GABBR2: variants seen among roughly 807,000 people sequenced by gnomAD.
The protein encoded by GABBR2 is G-protein coupled receptor 51.
In GABBR2, 23 loss-of-function variants were observed where a neutral mutation model predicts 105.6. That is an observed-to-expected ratio of 0.22 (90% CI 0.16 to 0.31). The LOEUF (loss-of-function observed/expected upper bound fraction) is 0.31. Ranked by LOEUF, GABBR2 falls within the 10% of genes least tolerant of loss-of-function variation. GABBR2 has a pLI of 1.00. For missense variants in GABBR2, 734 were observed against 1,245.5 expected (o/e 0.59, Z 6.18); for synonymous variants, 478 against 499.7 (o/e 0.96, Z 0.58).
intron 3 of GABBR2, among the ~76,000 whole-genome samples, chr9:98,502,923 T>C (rs1486282935): frequency 6.6e-6 from 1 of 152,222 alleles, no homozygotes; most frequent in Admixed American, 6.5e-5. Flanking sequence ...CACTCACTTA[T>C]TCACCCACTC....
chr9:98,491,766 C>T (rs937102256), intron 4 of GABBR2, among the ~76,000 whole-genome samples: 1 of 152,038 alleles, frequency 6.6e-6, no homozygotes, highest in Non-Finnish European at 1.5e-5. Flanking sequence ...TGCCTATTGC[C>T]GTATCTATTT....
intron 11 of GABBR2, among the ~76,000 whole-genome samples, chr9:98,380,922 C>A (rs189800749): frequency 4.2e-4 from 64 of 152,298 alleles, no homozygotes; most frequent in Non-Finnish European, 6.8e-4. Flanking sequence ...ATTTTGAAAA[C>A]TAAAAGGGAG....
At chr9:98,494,891 A>G (rs150534483) in intron 4 of GABBR2, among the ~76,000 whole-genome samples, 34 of 152,388 alleles carry the variant, frequency 2.2e-4, no homozygotes, top group African/African-American at 7.7e-4. Context: ...ATTAAAGTCC[A>G]TAGATGCTGG....
chr9:98,463,603 GTCTCGCTCTCGCTCTCGCTCTCC>G (rs1564079045), intron 6 of GABBR2, among the ~76,000 whole-genome samples: 2 of 40,696 alleles, frequency 4.9e-5, no homozygotes, highest in African/African-American at 1.3e-4. Context: ...CTCGCTCTCC[GTCTCGCTCTCGCTCTCGCTCTCC>G]GTCTCGCTCT....
At chr9:98,380,595 A>G (rs1411193466) in intron 11 of GABBR2, among the ~76,000 whole-genome samples, 1 of 152,168 alleles carries the variant, frequency 6.6e-6, no homozygotes, top group Non-Finnish European at 1.5e-5. Context: ...CCACGTTGCT[A>G]TGGTGACTCC....
intron 1 of GABBR2, among the ~76,000 whole-genome samples, chr9:98,663,848 A>G (rs1228733419): frequency 6.6e-6 from 1 of 152,156 alleles, no homozygotes. Flanking sequence ...AAATTTATAC[A>G]AGTAATCATA....
At chr9:98,648,132 G>GTGTGTGTGTGTGT (rs1564140835) in intron 1 of GABBR2, among the ~76,000 whole-genome samples, 4 of 93,960 alleles carry the variant, frequency 4.3e-5, no homozygotes, top group Admixed American at 9.8e-5. Context: ...TAGATAGATA[G>GTGTGTGTGTGTGT]ATAGATAGAT....
intron 1 of GABBR2, among the ~76,000 whole-genome samples, chr9:98,690,348 G>T (rs1414972386): frequency 6.6e-6 from 1 of 151,936 alleles, no homozygotes; most frequent in African/African-American, 2.4e-5. Flanking sequence ...CTTTCCCCAG[G>T]GCTCCCCCAA....
At chr9:98,377,505 T>C (rs1004719908) in intron 11 of GABBR2, among the ~76,000 whole-genome samples, 2 of 152,250 alleles carry the variant, frequency 1.3e-5, no homozygotes, top group African/African-American at 2.4e-5. Context: ...TCTCTGCCAG[T>C]GTACACAACA....
intron 1 of GABBR2, among the ~76,000 whole-genome samples, chr9:98,614,549 G>T (rs1442120732): frequency 6.6e-6 from 1 of 151,960 alleles, no homozygotes; most frequent in Non-Finnish European, 1.5e-5. Context: ...AATTAATTAA[G>T]TAAATAAAAG....
At chr9:98,620,213 T>C (rs1274006588) in intron 1 of GABBR2, among the ~76,000 whole-genome samples, 4 of 151,552 alleles carry the variant, frequency 2.6e-5, no homozygotes, top group African/African-American at 9.7e-5. Flanking sequence ...CATATACCTG[T>C]TGTCTTTTCA....
intron 2 of GABBR2, among the ~76,000 whole-genome samples, chr9:98,566,889 G>T (rs1163456416): frequency 6.6e-6 from 1 of 151,788 alleles, no homozygotes; most frequent in Admixed American, 6.5e-5. Context: ...CCTGCTGGGT[G>T]CCCAGCACTG....
rs569629106 is a variant in GABBR2 at position 98,678,644 on chromosome 9, C to T, written c.321+29773G>A. ...ATGAAATGTCTCCTCACATTTATGG[C>T]CTCCTAATTAGTGCATACGGGGAGG... On this transcript the variant is annotated intron_variant, in intron 1 of 18. Transcript: ENST00000259455. Among the ~76,000 whole-genome samples the T allele has an allele frequency of 3.3e-5, 5 of 152,282 alleles. No homozygotes were observed. In the East Asian group the frequency reaches 9.7e-4, roughly 29 times the overall value.
intron 4 of GABBR2, among the ~76,000 whole-genome samples, chr9:98,486,162 T>C (rs1283734700): frequency 6.6e-6 from 1 of 152,142 alleles, no homozygotes; most frequent in Non-Finnish European, 1.5e-5. Flanking sequence ...AGATGCCAGG[T>C]CACACAAATA....
At chr9:98,588,612 A>T (rs912170757) in intron 1 of GABBR2, among the ~76,000 whole-genome samples, 15 of 152,328 alleles carry the variant, frequency 9.8e-5, no homozygotes, top group African/African-American at 2.6e-4. Context: ...AATTTGCCCC[A>T]AGTTGCACAC....
chr9:98,679,432 T>C (rs1478092469), intron 1 of GABBR2, among the ~76,000 whole-genome samples: 1 of 152,214 alleles, frequency 6.6e-6, no homozygotes, highest in Non-Finnish European at 1.5e-5. Flanking sequence ...GCCACTATAA[T>C]AGCAAAAGAA....
intron 7 of GABBR2, among the ~76,000 whole-genome samples, chr9:98,424,455 C>T (rs1196673214): frequency 1.3e-5 from 2 of 152,106 alleles, no homozygotes; most frequent in African/African-American, 4.8e-5. Flanking sequence ...CACTCCTATT[C>T]AACATAGTGT....
In GABBR2 at chr9:98,290,574, C is replaced by T. The variant is rs748407319; in HGVS notation, c.*10G>A. On this transcript the variant is annotated 3_prime_UTR_variant, in exon 19 of 19. Coordinates refer to ENST00000259455, the MANE Select transcript of GABBR2 (RefSeq NM_005458.8). ...TCACGGGGGAGGCCCCGGGCCCAGG[C>T]CTCCCACCCTTACAGGCCCGAGACC... is the stretch of plus-strand genomic sequence containing the variant. 5 of 1,369,224 alleles carry T rather than the reference C, an allele frequency of 3.7e-6. No individual in the cohort carries two copies. Among genetic ancestry groups the T allele is most frequent in the Non-Finnish European group, 4.7e-6 (5 of 1,058,964 alleles). The allele number at this position is 1,369,224 out of a possible 1,614,324, so 84.8% of individuals were successfully genotyped here. A position where few individuals can be genotyped will look rare whatever the true frequency, so the allele number is the denominator to read the frequency against.
At chr9:98,501,403 G>A (rs1273531130) in intron 3 of GABBR2, among the ~76,000 whole-genome samples, 2 of 152,194 alleles carry the variant, frequency 1.3e-5, no homozygotes, top group East Asian at 3.8e-4. Context: ...GACCTCAAGT[G>A]ATCCACCCGC....
Sources: gnomAD v4.1 joint callset for allele counts (sites outside exome capture counted in the v4.1 genomes callset) on GRCh38, gnomAD v4.1.1 for gene constraint, MANE v1.5 for transcripts, NCBI Gene and HGNC (gene_info 2026-07-23, HGNC 2026-07-21) for gene names.